The following CIITA variants were observed in gnomAD, a reference collection of about 807,000 sequenced individuals.
The protein encoded by CIITA is MHC class II transactivator.
Under a neutral mutation model 115.1 loss-of-function variants are expected in CIITA, and 72 were observed. The ratio of observed to expected loss-of-function variants is 0.63; its 90% CI spans 0.52 to 0.76. The LOEUF is 0.76. CIITA is among the 30% of genes least tolerant of loss of function. The pLI, the probability that CIITA is intolerant of heterozygous loss-of-function variation, is 0.00. For synonymous variants in CIITA, 763 were observed against 635.6 expected, an observed-to-expected ratio of 1.20 and a Z score of -3.02; for missense variants, 1,617 against 1,463.8, an observed-to-expected ratio of 1.10 and a Z score of -1.71.
intron 1 of CIITA, among the ~76,000 whole-genome samples, chr16:10,870,602 A>T (rs1465682883): frequency 6.6e-6 from 1 of 152,256 alleles, no homozygotes; most frequent in Non-Finnish European, 1.5e-5. Flanking sequence ...AAAAAGAACC[A>T]GGCTGGAGGC....
rs1371025632 is a variant in CIITA, at chr16:10,941,796, G to A, written n.922G>A. 16 of 1,613,678 alleles carry A rather than the reference G, an allele frequency of 9.9e-6. No homozygotes were observed. The highest frequency in any genetic ancestry group is 4.5e-5 in the East Asian group (2 of 44,892). ...CCGAGCCGGGGTCGGAGAGCACGCC[G>A]AGGTCCACGAGCGCCTGGTCCATGT... On this transcript the variant is annotated non_coding_transcript_exon_variant, in exon 2 of 2. Transcript: ENST00000573379. The surrounding 1 kb of genome is among the most constrained non-coding windows in gnomAD (Gnocchi z 6.4).
chr16:10,923,340 C>CCGGGGTGGGT lies in CIITA; in HGVS notation c.*22+15_*22+16insCGGGGTGGGT. ...CTCTGGACAGGGTAACCAGGGTGGG[C>CCGGGGTGGGT]TTGGGAGGGGAGAGCCGCAGTGGGT... On this transcript the variant is annotated intron_variant, in intron 19 of 19. Coordinates refer to ENST00000324288, the MANE Select transcript of CIITA (RefSeq NM_000246.4). The surrounding 1 kb of genome is among the most constrained non-coding windows in gnomAD (Gnocchi z 5.2). 1.4e-6 allele frequency: 1 copy of CCGGGGTGGGT among 737,930 alleles called. No homozygotes were observed. The highest frequency in any genetic ancestry group is 2.4e-6 in the Non-Finnish European group (1 of 423,380). The allele number at this position is 737,930 out of a possible 1,614,324, so 45.7% of individuals were successfully genotyped here.
intron 10 of CIITA, 44 bp from the exon 11 acceptor site, chr16:10,906,455 G>A (rs761293424): frequency 6.8e-6 from 11 of 1,606,320 alleles, no homozygotes; most frequent in Non-Finnish European, 7.6e-6. Flanking sequence ...CCCTGGCCCT[G>A]CCTCTCACAT....
At chr16:10,880,423 C>G (rs1383657740) in intron 1 of CIITA, among the ~76,000 whole-genome samples, 1 of 152,242 alleles carries the variant, frequency 6.6e-6, no homozygotes, top group Non-Finnish European at 1.5e-5. Flanking sequence ...GGTCTCATCT[C>G]TTTACTCTCT....
chr16:10,875,143 G>C (rs1312359072), upstream of CIITA, among the ~76,000 whole-genome samples: 1 of 151,946 alleles, frequency 6.6e-6, no homozygotes, highest in African/African-American at 2.4e-5. Flanking sequence ...ATTTTTAGTA[G>C]AGAAAGGATT....
At chr16:10,916,515 C>A (rs2039961439) in intron 15 of CIITA, 56 bp downstream of exon 15, 1 of 1,465,488 alleles carries the variant, frequency 6.8e-7, no homozygotes, top group Non-Finnish European at 9.4e-7. Flanking sequence ...GTCCGGCTGA[C>A]TTTTTCAAAA....
At chr16:10,872,883 A>G (rs1040356560), upstream of CIITA, among the ~76,000 whole-genome samples, 1 of 152,256 alleles carries the variant, frequency 6.6e-6, no homozygotes, top group Non-Finnish European at 1.5e-5. Flanking sequence ...ATCTTCATCC[A>G]TTTGGAACTG....
At chr16:10,871,833 G>A (rs1025264462) in intron 1 of CIITA, among the ~76,000 whole-genome samples, 2 of 152,144 alleles carry the variant, frequency 1.3e-5, no homozygotes, top group African/African-American at 4.8e-5. Context: ...CTCTACCCCA[G>A]GAACCACAGA....
chr16:10,919,150 G>A (rs1324774876), intron 16 of CIITA, among the ~76,000 whole-genome samples: 1 of 152,054 alleles, frequency 6.6e-6, no homozygotes, highest in Admixed American at 6.6e-5. Flanking sequence ...CAGATTCCCA[G>A]GAAAGATGGC....
At chr16:10,896,426 C>T (rs756228918) in intron 3 of CIITA, among the ~76,000 whole-genome samples, 1 of 152,292 alleles carries the variant, frequency 6.6e-6, no homozygotes, top group Admixed American at 6.5e-5. Flanking sequence ...AGCAGAGAAG[C>T]TAATTTGTAG....
exon 1 of CIITA, chr16:10,866,269 G>T (rs533689450): frequency 1.8e-6 from 1 of 553,286 alleles, no homozygotes; most frequent in Non-Finnish European, 3.5e-6. Flanking sequence ...CAGGGCAGCT[G>T]CCCTGACTCC....
At chr16:10,868,690 C>T (rs534528376) in intron 1 of CIITA, among the ~76,000 whole-genome samples, 3 of 152,194 alleles carry the variant, frequency 2.0e-5, no homozygotes, top group Non-Finnish European at 4.4e-5. Flanking sequence ...CTGCCCCAGC[C>T]ACATGTGCCT....
Position 10,906,926 on chromosome 16 carries a change from G to C in CIITA, c.1434G>C (p.Val478=). 2 of 1,613,376 alleles carry C rather than the reference G, an allele frequency of 1.2e-6. No homozygotes were observed. The highest frequency in any genetic ancestry group is 1.7e-6 in the Non-Finnish European group (2 of 1,180,034). ...TCTCCCTGGGCCCACAGCCACTCGT[G>C]GCGGCCGATGAGGTTTTCAGCCACA... is the stretch of plus-strand genomic sequence containing the variant. The part of the protein sequence containing the change: ...LLFSLGPQPL[V]AADEVFSHIL... Residue 478 remains valine (V), a synonymous_variant, in exon 11 of 20, where the codon GTG becomes GTC. Transcript: ENST00000324288.
intron 11 of CIITA, 158 bp from the exon 12 acceptor site, chr16:10,908,871 T>A: frequency 1.0e-6 from 1 of 979,900 alleles, no homozygotes; most frequent in South Asian, 1.4e-5. Flanking sequence ...TAGGAATCAA[T>A]AAAGGCTGGA....
Position 10,907,584 on chromosome 16 carries a change from C to A in CIITA, c.2092C>A (p.Pro698Thr). The A allele has an allele frequency of 6.2e-7, 1 of 1,614,200 alleles. No individual in the cohort carries two copies. Among genetic ancestry groups the A allele is most frequent in the South Asian group, 1.1e-5 (1 of 91,086 alleles). Residue 698 changes from proline (P) to threonine (T), a missense_variant, in exon 11 of 20, where the codon CCA becomes ACA. Physicochemically the swap from Pro to Thr is conservative, Grantham distance 38 (BLOSUM62 -1). Coordinates refer to ENST00000324288, the MANE Select transcript of CIITA (RefSeq NM_000246.4). This position sits in a 1 kb window ranked among gnomAD's most constrained non-coding sequence, Gnocchi z 5.0. Reference protein sequence around the residue: ...WAMAKGLVQHPPRAAESELAF... With the variant: ...WAMAKGLVQHTPRAAESELAF... ...GATGGCCAAAGGCTTAGTCCAACACCCACCGCGGGCCGCAGAGTCCGAGCT... is the reference window on the plus strand; with the variant it reads ...GATGGCCAAAGGCTTAGTCCAACACACACCGCGGGCCGCAGAGTCCGAGCT...
chr16:10,870,001 G>A (rs1249716127), intron 1 of CIITA, among the ~76,000 whole-genome samples: 3 of 151,882 alleles, frequency 2.0e-5, no homozygotes, highest in Non-Finnish European at 4.4e-5. Context: ...GGATGGATGC[G>A]TTGATGAGTG....
Position 10,929,564 on chromosome 16 carries a change from C to A in CIITA, c.*5709C>A. ...AAGCTTTTGAGGGGAGCAGGTCTAA[C>A]AAGAAGGAAAAAGGGGGGTTATTAG... On this transcript the variant is annotated 3_prime_UTR_variant, in exon 20 of 20. Transcript: ENST00000324288. This position sits in a 1 kb window ranked among gnomAD's most constrained non-coding sequence, Gnocchi z 4.3. 2.0e-6 allele frequency: 2 copies of A among 985,280 alleles called. No individual in the cohort carries two copies. The highest frequency in any genetic ancestry group is 2.4e-6 in the Non-Finnish European group (2 of 829,930). 61.0% of individuals were successfully genotyped at this position (985,280 alleles called of 1,614,324 possible). A position where few individuals can be genotyped will look rare whatever the true frequency, so the allele number is the denominator to read the frequency against.
intron 10 of CIITA, among the ~76,000 whole-genome samples, chr16:10,905,760 C>CAAAAAAA (rs796498325): frequency 8.2e-6 from 1 of 121,716 alleles, no homozygotes; most frequent in Non-Finnish European, 1.7e-5. Flanking sequence ...GGATCCATCT[C>CAAAAAAA]AAAAAAAAAA....
rs2036244003 is a variant in CIITA, at chr16:10,879,871, G to T, written c.52+2489G>T. On this transcript the variant is annotated intron_variant, in intron 1 of 19. Coordinates refer to ENST00000324288, the MANE Select transcript of CIITA (RefSeq NM_000246.4). The surrounding 1 kb of genome is among the most constrained non-coding windows in gnomAD (Gnocchi z 4.3). ...CTCTTAAAAGCCGCGGTCCTCCTGA[G>T]TCCCACAGCCCCTCTCCACCCTAGG... Among the ~76,000 whole-genome samples, 2 of 152,144 alleles carry T rather than the reference G, an allele frequency of 1.3e-5. No homozygotes were observed. The highest frequency in any genetic ancestry group is 6.5e-5 in the Admixed American group (1 of 15,270).
Sources: allele counts gnomAD v4.1 joint callset (sites outside exome capture counted in the v4.1 genomes callset), GRCh38; gene constraint gnomAD v4.1.1; non-coding constraint Gnocchi (gnomAD v3.1); transcripts MANE v1.5; gene names NCBI Gene and HGNC (gene_info 2026-07-23, HGNC 2026-07-21).